The following CIMAP1C variants were observed in gnomAD, a reference collection of about 807,000 sequenced individuals.
CIMAP1C encodes the protein outer dense fiber of sperm tails 3 like 1.
the CIMAP1C span, among the ~76,000 whole-genome samples, chr15:75,726,609 CTTATTTATTTA>C: frequency 1.3e-4 from 20 of 151,838 alleles, no homozygotes; most frequent in Admixed American, 1.2e-3. Context: ...AAGTGACCAT[CTTATTTATTTA>C]TTATTTATTT....
chr15:75,724,351 C>G, the CIMAP1C span: 1 of 1,430,486 alleles, frequency 7.0e-7, no homozygotes, highest in Non-Finnish European at 9.9e-7. Context: ...CTTGGGCCCC[C>G]TCCCCTCTCT....
the CIMAP1C span, chr15:75,727,180 C>G: frequency 1.9e-6 from 3 of 1,614,048 alleles, no homozygotes; most frequent in Admixed American, 3.3e-5. Context: ...TGGACCTCAA[C>G]CCGGCTCCCA....
chr15:75,725,269 G>A, the CIMAP1C span: 1 of 1,342,350 alleles, frequency 7.4e-7, no homozygotes, highest in Non-Finnish European at 1.1e-6. Flanking sequence ...TGTTGTTGGA[G>A]GTTGAGGGGA....
At chr15:75,727,507 C>T in the CIMAP1C span, 1 of 1,603,526 alleles carries the variant, frequency 6.2e-7, no homozygotes, top group South Asian at 1.1e-5. Flanking sequence ...ACTCACTCCA[C>T]CTGTGCCCAC....
chr15:75,724,044 C>T, the CIMAP1C span: 4 of 591,954 alleles, frequency 6.8e-6, no homozygotes, highest in Admixed American at 2.8e-5. Context: ...GTGCCCCAGA[C>T]AGCCTTAGCT....
At chr15:75,724,994 G>A in the CIMAP1C span, 1 of 679,976 alleles carries the variant, frequency 1.5e-6, no homozygotes, top group Admixed American at 2.3e-5. Context: ...TCGTGGCAGT[G>A]CGATAGCAGC....
the CIMAP1C span, chr15:75,726,002 TG>T: frequency 1.7e-6 from 2 of 1,174,896 alleles, no homozygotes; most frequent in Non-Finnish European, 2.5e-6. Flanking sequence ...GCAGGCCAGG[TG>T]CTCAGTGGGG....
chr15:75,727,604 C>G, the CIMAP1C span: 1 of 1,480,468 alleles, frequency 6.8e-7, no homozygotes, highest in Non-Finnish European at 9.0e-7. Flanking sequence ...CCAAATTGAG[C>G]AATTTGACCA....
chr15:75,725,357 G>A, the CIMAP1C span: 25 of 673,988 alleles, frequency 3.7e-5, no homozygotes, highest in African/African-American at 3.4e-4. Flanking sequence ...GGAAGCCAGC[G>A]GGGATTGAGG....
At chr15:75,726,986 C>A in the CIMAP1C span, 1 of 1,545,444 alleles carries the variant, frequency 6.5e-7, no homozygotes, top group Non-Finnish European at 8.7e-7. Flanking sequence ...TAACCAGGAC[C>A]ATCAGTTGGC....
chr15:75,727,528 C>T, the CIMAP1C span: 1 of 1,582,992 alleles, frequency 6.3e-7, no homozygotes, highest in Non-Finnish European at 8.6e-7. Context: ...TGGTCATCGA[C>T]ATTCGTGACT....
the CIMAP1C span, chr15:75,727,309 C>T: frequency 6.2e-7 from 1 of 1,614,150 alleles, no homozygotes; most frequent in African/African-American, 1.3e-5. Flanking sequence ...TGGCAGGAGG[C>T]CCTGGACCTA....
the CIMAP1C span, chr15:75,726,028 G>T: frequency 6.6e-7 from 1 of 1,509,534 alleles, no homozygotes; most frequent in South Asian, 1.1e-5. Context: ...CTTTGGGGCT[G>T]ACCAGGCCCT....
At chr15:75,724,306 C>A in the CIMAP1C span, 1 of 1,612,150 alleles carries the variant, frequency 6.2e-7, no homozygotes. Context: ...GTCATCATGG[C>A]CAAGATCAAA....
At chr15:75,726,099 G>C in the CIMAP1C span, 1 of 1,613,754 alleles carries the variant, frequency 6.2e-7, no homozygotes, top group Non-Finnish European at 8.5e-7. Context: ...CTATCTCTTG[G>C]ATCCCAAAAT....
chr15:75,727,463 C>A, the CIMAP1C span: 1 of 1,613,610 alleles, frequency 6.2e-7, no homozygotes. Flanking sequence ...TGTGCACAAG[C>A]CCCACATCCC....
At chr15:75,727,505 C>T in the CIMAP1C span, 2 of 1,603,570 alleles carry the variant, frequency 1.2e-6, no homozygotes, top group Non-Finnish European at 1.7e-6. Flanking sequence ...GCACTCACTC[C>T]ACCTGTGCCC....
the CIMAP1C span, among the ~76,000 whole-genome samples, chr15:75,724,598 A>G: frequency 1.3e-5 from 2 of 152,190 alleles, no homozygotes; most frequent in Non-Finnish European, 2.9e-5. Flanking sequence ...CTCTCAAGGG[A>G]CAGCAGACGC....
the CIMAP1C span, chr15:75,727,373 A>G: frequency 2.5e-6 from 4 of 1,614,094 alleles, no homozygotes. Flanking sequence ...CCCTACTTAC[A>G]GCATGGCCAA....
Sources: gnomAD v4.1 joint callset for allele counts (sites outside exome capture counted in the v4.1 genomes callset) on GRCh38, gnomAD v4.1.1 for gene constraint, MANE v1.5 for transcripts, NCBI Gene and HGNC (gene_info 2026-07-23, HGNC 2026-07-21) for gene names.